Variants in TNR observed in about 807,000 individuals in gnomAD.
TNR encodes the protein tenascin R, also known as tenascin-R.
A neutral mutation model predicts 150.4 loss-of-function variants in TNR; 45 were observed. That is an observed-to-expected ratio of 0.30 (90% confidence interval 0.24 to 0.38). The LOEUF is 0.38. Among genes scored for constraint, TNR ranks in the 10% least tolerant of loss-of-function variants. TNR has a pLI of 1.00. For synonymous variants in TNR, 687 were observed against 678.4 expected, an observed-to-expected ratio of 1.01 and a Z score of -0.20; for missense variants, 1,544 against 1,759.1, an observed-to-expected ratio of 0.88 and a Z score of 2.19.
chr1:175,387,890 C>T (rs929179796), intron 7 of TNR, among the ~76,000 whole-genome samples: 1 of 152,224 alleles, frequency 6.6e-6, no homozygotes, highest in African/African-American at 2.4e-5. Flanking sequence ...GTCCTGTCCT[C>T]TCTTAAGCTG....
intron 21 of TNR, among the ~76,000 whole-genome samples, chr1:175,329,744 A>G (rs951924411): frequency 2.6e-5 from 4 of 152,228 alleles, no homozygotes; most frequent in Admixed American, 2.0e-4. Context: ...ATCCTTCTTC[A>G]TCTTCACATT....
chr1:175,678,597 G>A (rs1665937439), intron 1 of TNR, among the ~76,000 whole-genome samples: 1 of 152,178 alleles, frequency 6.6e-6, no homozygotes. Flanking sequence ...TCCTTCCTCT[G>A]ACTCAGAGTC....
intron 14 of TNR, 118 bp downstream of exon 14, chr1:175,362,545 G>T: frequency 7.7e-7 from 1 of 1,298,990 alleles, no homozygotes; most frequent in Non-Finnish European, 1.1e-6. Flanking sequence ...GACACAGTGA[G>T]TTGGAGGAGC....
At chr1:175,604,353 C>T (rs965502251) in intron 1 of TNR, among the ~76,000 whole-genome samples, 3 of 152,168 alleles carry the variant, frequency 2.0e-5, no homozygotes, top group Non-Finnish European at 2.9e-5. Context: ...CGACAACTGA[C>T]CAGCCCCATG....
At chr1:175,740,855 C>T (rs1667907007) in intron 1 of TNR, among the ~76,000 whole-genome samples, 2 of 152,128 alleles carry the variant, frequency 1.3e-5, no homozygotes, top group Admixed American at 6.5e-5. Flanking sequence ...CACCAAACAC[C>T]CAAAGCCAAG....
At position 175,416,940 on chromosome 1, in the gene TNR, G is replaced by A. The variant is rs373355829; in HGVS notation, c.-63-10163C>T. Among the ~76,000 whole-genome samples, 9 of 151,754 alleles carry A rather than the reference G, an allele frequency of 5.9e-5. No individual in the cohort carries two copies. In the East Asian group the frequency reaches 1.4e-3, roughly 23 times the overall value. ...GGAGAATGGCGTGAACCCGGGAGGCGGAGCTTGCAGTGAGCCAAGATTGCG... is the reference window on the plus strand; with the variant it reads ...GGAGAATGGCGTGAACCCGGGAGGCAGAGCTTGCAGTGAGCCAAGATTGCG... On this transcript the variant is annotated intron_variant, in intron 2 of 22. Coordinates refer to ENST00000367674, the MANE Select transcript of TNR (RefSeq NM_003285.3).
intron 2 of TNR, among the ~76,000 whole-genome samples, chr1:175,501,962 G>A (rs1199856660): frequency 1.3e-5 from 2 of 152,162 alleles, no homozygotes; most frequent in Middle Eastern, 3.2e-3. Context: ...GTTATGATAG[G>A]CAAGAATACA....
chr1:175,416,647 G>A (rs1189178886), intron 2 of TNR, among the ~76,000 whole-genome samples: 1 of 152,180 alleles, frequency 6.6e-6, no homozygotes, highest in Non-Finnish European at 1.5e-5. Flanking sequence ...CAGCCAGACT[G>A]TAGCCCAAGT....
At chr1:175,381,961 C>A (rs376558206) in intron 8 of TNR, among the ~76,000 whole-genome samples, 3 of 152,320 alleles carry the variant, frequency 2.0e-5, no homozygotes, top group East Asian at 3.9e-4. Flanking sequence ...GACCTTTGCA[C>A]TGGCTTCTGC....
At chr1:175,642,966 G>T (rs1299454547) in intron 1 of TNR, among the ~76,000 whole-genome samples, 1 of 152,136 alleles carries the variant, frequency 6.6e-6, no homozygotes, top group Non-Finnish European at 1.5e-5. Flanking sequence ...TATATAATAT[G>T]TAAAAGCAAG....
chr1:175,603,445 G>T lies in TNR; in HGVS notation c.-164-75076C>A, dbSNP rs984617296. On this transcript the variant is annotated intron_variant, in intron 1 of 22. Transcript: ENST00000367674. ...GAGAAATTTTTTCAAGTTGCGAGGG[G>T]ACTAATCCTTCCTTCTACTTCTCAG... 2.0e-5 allele frequency among the ~76,000 whole-genome samples: 3 copies of T among 152,210 alleles called. No individual in the cohort carries two copies. In the East Asian group the frequency reaches 5.8e-4, roughly 29 times the overall value.
At chr1:175,631,274 C>A (rs953561585) in intron 1 of TNR, among the ~76,000 whole-genome samples, 1 of 152,172 alleles carries the variant, frequency 6.6e-6, no homozygotes, top group Non-Finnish European at 1.5e-5. Flanking sequence ...AAACTAGAAA[C>A]AATTGAATTC....
intron 18 of TNR, among the ~76,000 whole-genome samples, chr1:175,353,559 G>A (rs7547487): frequency 0.4 from 60,493 of 152,002 alleles, 12,272 homozygotes; most frequent in East Asian, 0.59. Context: ...TACTAGCCAT[G>A]TAAGTCTTTG....
Position 175,522,178 on chromosome 1 carries a change from A to C in TNR, c.-64+6091T>G, listed in dbSNP as rs562034226. Among the ~76,000 whole-genome samples the C allele has an allele frequency of 6.6e-5, 10 of 152,208 alleles. No individual in the cohort carries two copies. The South Asian group carries it at 2.1e-3, about 32-fold the overall frequency. ...CTGGCGGCACTCGAAGCCACTGCTT[A>C]AGTGTGCTGGATGCCATGTGGGCTT... On this transcript the variant is annotated intron_variant, in intron 2 of 22. Coordinates refer to ENST00000367674, the MANE Select transcript of TNR (RefSeq NM_003285.3).
At chr1:175,426,939 T>C (rs1340879462) in intron 2 of TNR, among the ~76,000 whole-genome samples, 3 of 89,480 alleles carry the variant, frequency 3.4e-5, no homozygotes, top group Non-Finnish European at 4.5e-5. Flanking sequence ...ATATAAAATA[T>C]ATTATATATA....
intron 2 of TNR, among the ~76,000 whole-genome samples, chr1:175,504,510 C>T (rs903216169): frequency 1.3e-5 from 2 of 152,152 alleles, no homozygotes; most frequent in East Asian, 1.9e-4. Context: ...GTCCTGCCTC[C>T]GCTGTGAGTC....
At chr1:175,662,089 G>C (rs1328095456) in intron 1 of TNR, among the ~76,000 whole-genome samples, 2 of 152,076 alleles carry the variant, frequency 1.3e-5, no homozygotes, top group African/African-American at 4.8e-5. Context: ...TGGAGCATGG[G>C]GATTAGGACC....
In TNR at chr1:175,361,626, A is replaced by G. The variant is rs77377237; in HGVS notation, c.2854+1037T>C. ...TCCGAGAACATCTACGAAAGCAGTAAGGAATTCTAAAGTATATTTCCCTCA... is the reference window on the plus strand; with the variant it reads ...TCCGAGAACATCTACGAAAGCAGTAGGGAATTCTAAAGTATATTTCCCTCA... On this transcript the variant is annotated intron_variant, in intron 14 of 22. Coordinates refer to ENST00000367674, the MANE Select transcript of TNR (RefSeq NM_003285.3). Among the ~76,000 whole-genome samples, 5 of 152,352 alleles carry G rather than the reference A, an allele frequency of 3.3e-5. No homozygotes were observed. In the East Asian group the frequency reaches 9.6e-4, roughly 29 times the overall value.
chr1:175,553,813 AACAAACAC>A (rs1243039901), intron 1 of TNR, among the ~76,000 whole-genome samples: 27 of 21,838 alleles, frequency 1.2e-3, no homozygotes, highest in Admixed American at 6.5e-3. Flanking sequence ...CATATACAAG[AACAAACAC>A]ACACACACAC....
Sources: allele counts gnomAD v4.1 joint callset (sites outside exome capture counted in the v4.1 genomes callset), GRCh38; gene constraint gnomAD v4.1.1; transcripts MANE v1.5; gene names NCBI Gene and HGNC (gene_info 2026-07-23, HGNC 2026-07-21).